The following NCOA1 variants were observed in gnomAD, a reference collection of about 807,000 sequenced individuals.
NCOA1 encodes nuclear receptor coactivator 1.
Under a neutral mutation model 150.9 loss-of-function variants are expected in NCOA1, and 35 were observed. The observed-to-expected ratio is 0.23, with a 90% CI of 0.18 to 0.31. NCOA1 has a LOEUF of 0.31. NCOA1 is among the 10% of genes least tolerant of loss of function. The pLI, the probability that NCOA1 is intolerant of heterozygous loss-of-function variation, is 1.00. For missense variants in NCOA1, 1,491 were observed against 1,749.3 expected, an observed-to-expected ratio of 0.85 and a Z score of 2.63; for synonymous variants, 590 against 630.0, an observed-to-expected ratio of 0.94 and a Z score of 0.95.
intron 3 of NCOA1, among the ~76,000 whole-genome samples, chr2:24,611,276 A>T (rs1301250902): frequency 6.6e-6 from 1 of 152,118 alleles, no homozygotes; most frequent in Non-Finnish European, 1.5e-5. Flanking sequence ...AAGTGGCATG[A>T]TTTTATTTTC....
intron 1 of NCOA1, among the ~76,000 whole-genome samples, chr2:24,530,849 G>A (rs567732885): frequency 6.5e-4 from 99 of 152,292 alleles, no homozygotes; most frequent in Admixed American, 1.6e-3. Flanking sequence ...ACCTTTTAAA[G>A]GGGGTTGATT....
rs1382132659 is a variant in NCOA1, at chr2:24,580,116, T to C, written c.-259-4360T>C. 2.5e-4 allele frequency among the ~76,000 whole-genome samples: 38 copies of C among 152,232 alleles called. 1 individual carries two copies. Among genetic ancestry groups the C allele is most frequent in the Admixed American group, 2.5e-3 (38 of 15,288 alleles). On this transcript the variant is annotated intron_variant, in intron 2 of 22. Transcript: ENST00000348332. Reference sequence around the variant, plus strand: ...GAGATGTCTGCTGTCATTTGAATTATTTTCTCTTATAGGTAAATTATCATT... The same window carrying C: ...GAGATGTCTGCTGTCATTTGAATTACTTTCTCTTATAGGTAAATTATCATT...
At chr2:24,554,154 T>C (rs974675766) in intron 1 of NCOA1, among the ~76,000 whole-genome samples, 2 of 152,174 alleles carry the variant, frequency 1.3e-5, no homozygotes, top group Non-Finnish European at 2.9e-5. Context: ...ATTAGATTTG[T>C]GTTTCATAGA....
At chr2:24,630,419 T>A (rs888671497) in intron 3 of NCOA1, among the ~76,000 whole-genome samples, 1 of 152,272 alleles carries the variant, frequency 6.6e-6, no homozygotes. Context: ...GATTCTATTA[T>A]TGATGGGCAT....
intron 10 of NCOA1, among the ~76,000 whole-genome samples, chr2:24,697,247 C>G (rs1672948777): frequency 6.6e-6 from 1 of 152,138 alleles, no homozygotes; most frequent in South Asian, 2.1e-4. Flanking sequence ...TTCTCATATT[C>G]TCTTCACTTA....
chr2:24,572,005 G>A (rs1193236842), intron 2 of NCOA1, among the ~76,000 whole-genome samples: 2 of 151,878 alleles, frequency 1.3e-5, no homozygotes, highest in Non-Finnish European at 1.5e-5. Context: ...ACTCCTACAC[G>A]TTAGGTAATT....
At chr2:24,605,377 T>C (rs1201355623) in intron 3 of NCOA1, among the ~76,000 whole-genome samples, 1 of 152,238 alleles carries the variant, frequency 6.6e-6, no homozygotes, top group Non-Finnish European at 1.5e-5. Flanking sequence ...TGTATTCTAC[T>C]ATCTACCTCT....
intron 1 of NCOA1, among the ~76,000 whole-genome samples, chr2:24,559,187 G>A (rs7582872): frequency 0.024 from 3,723 of 152,198 alleles, 48 homozygotes; most frequent in South Asian, 0.033. Flanking sequence ...CTAAAAGGAC[G>A]AGACTAAGGT....
At chr2:24,646,067 G>T (rs1451954533) in intron 4 of NCOA1, among the ~76,000 whole-genome samples, 1 of 152,054 alleles carries the variant, frequency 6.6e-6, no homozygotes, top group African/African-American at 2.4e-5. Flanking sequence ...TTTCCTCATT[G>T]TTCAGTGAGT....
At chr2:24,647,240 T>G (rs920299834) in intron 4 of NCOA1, among the ~76,000 whole-genome samples, 9 of 152,170 alleles carry the variant, frequency 5.9e-5, no homozygotes, top group Admixed American at 1.3e-4. Flanking sequence ...TTGATGGGTT[T>G]TCTATTTATT....
intron 19 of NCOA1, among the ~76,000 whole-genome samples, chr2:24,749,737 C>T (rs550708000): frequency 6.6e-6 from 1 of 152,190 alleles, no homozygotes; most frequent in Non-Finnish European, 1.5e-5. Context: ...AAATCCAACA[C>T]CTAATAAGGT....
chr2:24,494,248 A>AG (rs1663102119), intron 1 of NCOA1, among the ~76,000 whole-genome samples: 1 of 152,184 alleles, frequency 6.6e-6, no homozygotes, highest in Non-Finnish European at 1.5e-5. Context: ...GGGAATCTGT[A>AG]TACTAGACTG....
chr2:24,741,647 T>TGAAA (rs1663606657), intron 18 of NCOA1, 137 bp from the exon 19 acceptor site: 2 of 923,440 alleles, frequency 2.2e-6, no homozygotes, highest in African/African-American at 3.3e-5. Flanking sequence ...GTTCCTTTTC[T>TGAAA]GTTTTAGTTT....
At chr2:24,686,225 T>C (rs1672398084) in intron 8 of NCOA1, among the ~76,000 whole-genome samples, 2 of 151,976 alleles carry the variant, frequency 1.3e-5, no homozygotes, top group African/African-American at 4.8e-5. Context: ...CTGGTCTCGA[T>C]CTCCTGATCT....
At chr2:24,588,417 C>T (rs1011660922) in intron 3 of NCOA1, among the ~76,000 whole-genome samples, 1 of 152,128 alleles carries the variant, frequency 6.6e-6, no homozygotes, top group African/African-American at 2.4e-5. Context: ...AGGCTAATAG[C>T]GGGGCCCTGT....
At chr2:24,598,547 A>G (rs11894602) in intron 3 of NCOA1, among the ~76,000 whole-genome samples, 70 of 152,310 alleles carry the variant, frequency 4.6e-4, no homozygotes, top group African/African-American at 1.5e-3. Flanking sequence ...CATGCTGTGC[A>G]TATATGGAGT....
chr2:24,701,501 T>C (rs1219896819), intron 11 of NCOA1, among the ~76,000 whole-genome samples: 4 of 141,872 alleles, frequency 2.8e-5, no homozygotes, highest in Non-Finnish European at 6.2e-5. Flanking sequence ...AGTGAGACAC[T>C]GTCTCAAAAA....
chr2:24,512,468 C>T (rs187765033), intron 1 of NCOA1, among the ~76,000 whole-genome samples: 10 of 152,240 alleles, frequency 6.6e-5, no homozygotes, highest in Admixed American at 6.5e-4. Context: ...TAAAGCAATT[C>T]AGTTCAGTTT....
At chr2:24,536,123 A>G (rs1665129627) in intron 1 of NCOA1, among the ~76,000 whole-genome samples, 1 of 152,086 alleles carries the variant, frequency 6.6e-6, no homozygotes, top group South Asian at 2.1e-4. Flanking sequence ...ACATAGTCCC[A>G]TATTTCTTGG....
Sources: gnomAD v4.1 joint callset for allele counts (sites outside exome capture counted in the v4.1 genomes callset) on GRCh38, gnomAD v4.1.1 for gene constraint, MANE v1.5 for transcripts, NCBI Gene and HGNC (gene_info 2026-07-23, HGNC 2026-07-21) for gene names.